SRGAP3: variants seen among roughly 807,000 people sequenced by gnomAD.
SRGAP3 encodes the protein SLIT-ROBO Rho GTPase-activating protein 3.
Under a neutral mutation model 121.1 loss-of-function variants are expected in SRGAP3, and 39 were observed. The ratio of observed to expected loss-of-function variants is 0.32; its 90% confidence interval spans 0.25 to 0.42. The LOEUF is 0.42. SRGAP3 is among the 10% of genes least tolerant of loss of function. SRGAP3 has a pLI of 1.00. For missense variants in SRGAP3, 1,213 were observed against 1,470.6 expected (o/e 0.82, Z 2.86); for synonymous variants, 601 against 570.0 (o/e 1.05, Z -0.77).
At chr3:9,230,078 G>A (rs1452977735) in intron 1 of SRGAP3, among the ~76,000 whole-genome samples, 1 of 152,222 alleles carries the variant, frequency 6.6e-6, no homozygotes, top group East Asian at 1.9e-4. Context: ...TCCAGAGCCT[G>A]CAGCGCGGCT....
intron 2 of SRGAP3, among the ~76,000 whole-genome samples, chr3:9,328,258 C>T (rs920243937): frequency 4.6e-5 from 7 of 152,164 alleles, no homozygotes; most frequent in African/African-American, 1.7e-4. Context: ...TTTATATAAA[C>T]ATTACACACA....
At chr3:9,344,774 T>C (rs540999558) in intron 1 of SRGAP3, among the ~76,000 whole-genome samples, 4 of 152,210 alleles carry the variant, frequency 2.6e-5, no homozygotes, top group East Asian at 3.9e-4. Context: ...TGGTGGCTCA[T>C]GCCTGTAATC....
intron 18 of SRGAP3, 145 bp downstream of exon 18, chr3:9,010,163 G>A (rs765702514): frequency 2.1e-5 from 20 of 963,324 alleles, no homozygotes; most frequent in African/African-American, 1.3e-4. Flanking sequence ...AAGGTTTTTC[G>A]GGGTCTTCGT....
chr3:9,300,991 C>T (rs1955045380), intron 3 of SRGAP3, among the ~76,000 whole-genome samples: 1 of 152,148 alleles, frequency 6.6e-6, no homozygotes, highest in Non-Finnish European at 1.5e-5. Context: ...ACTCCCACCC[C>T]TCCCAGCTCA....
intron 21 of SRGAP3, 27 bp downstream of exon 21, chr3:8,990,485 C>A (rs768931159): frequency 1.3e-6 from 2 of 1,549,788 alleles, no homozygotes; most frequent in East Asian, 4.9e-5. Context: ...TTTTGGCTGC[C>A]CAGCCTGCCT....
chr3:9,028,177 G>A, intron 12 of SRGAP3: 1 of 1,611,446 alleles, frequency 6.2e-7, no homozygotes, highest in Non-Finnish European at 8.5e-7. Flanking sequence ...AAAAAGAAAA[G>A]ATTATGCAGG....
At chr3:9,261,333 C>G (rs748533598) in intron 3 of SRGAP3, among the ~76,000 whole-genome samples, 2 of 152,044 alleles carry the variant, frequency 1.3e-5, no homozygotes, top group Non-Finnish European at 2.9e-5. Context: ...GGGAACAAAG[C>G]TGGATGGGGA....
chr3:9,258,583 A>T (rs1954184204), intron 3 of SRGAP3, among the ~76,000 whole-genome samples: 1 of 152,214 alleles, frequency 6.6e-6, no homozygotes. Flanking sequence ...TGAGAGACAA[A>T]GATGGGTTAG....
intron 3 of SRGAP3, among the ~76,000 whole-genome samples, chr3:9,275,161 G>A (rs1422869701): frequency 1.3e-5 from 2 of 151,910 alleles, no homozygotes; most frequent in Admixed American, 1.3e-4. Context: ...AAGAAAGAAA[G>A]TTTACATTGT....
At chr3:9,020,652 GCT>G (rs1010896491) in intron 14 of SRGAP3, among the ~76,000 whole-genome samples, 1 of 152,128 alleles carries the variant, frequency 6.6e-6, no homozygotes, top group Admixed American at 6.5e-5. Flanking sequence ...CTCCTGCAAG[GCT>G]CTCAGTCCAT....
intron 3 of SRGAP3, among the ~76,000 whole-genome samples, chr3:9,259,078 T>C (rs1362466223): frequency 6.6e-6 from 1 of 152,208 alleles, no homozygotes; most frequent in Non-Finnish European, 1.5e-5. Context: ...CTTGGCCTTC[T>C]TATATTTCTG....
chr3:9,124,475 G>A (rs1232083163), intron 2 of SRGAP3, among the ~76,000 whole-genome samples: 2 of 152,214 alleles, frequency 1.3e-5, no homozygotes. Context: ...TATTGTCTGT[G>A]ACAAACACTC....
exon 2 of SRGAP3, chr3:9,330,571 A>T (rs1316267981): frequency 1.9e-5 from 3 of 154,698 alleles, no homozygotes; most frequent in African/African-American, 7.2e-5. Context: ...CAGAAGCTCC[A>T]CTTCGGATCC....
At chr3:9,099,108 G>C (rs1277689462) in intron 3 of SRGAP3, among the ~76,000 whole-genome samples, 1 of 152,134 alleles carries the variant, frequency 6.6e-6, no homozygotes, top group African/African-American at 2.4e-5. Flanking sequence ...TTTTGATCTC[G>C]GTTACAAAGC....
intron 3 of SRGAP3, among the ~76,000 whole-genome samples, chr3:9,324,875 T>G (rs1338931433): frequency 6.6e-6 from 1 of 151,418 alleles, no homozygotes; most frequent in Non-Finnish European, 1.5e-5. Context: ...GAAAATGGCA[T>G]GAACCCGGGA....
intron 18 of SRGAP3, among the ~76,000 whole-genome samples, chr3:9,002,015 A>G (rs1460177372): frequency 6.6e-6 from 1 of 152,204 alleles, no homozygotes; most frequent in Admixed American, 6.5e-5. Flanking sequence ...ACTAGACAGA[A>G]GATCAAAGAG....
At chr3:9,292,225 G>A (rs1384656759) in intron 3 of SRGAP3, among the ~76,000 whole-genome samples, 1 of 152,196 alleles carries the variant, frequency 6.6e-6, no homozygotes, top group Non-Finnish European at 1.5e-5. Flanking sequence ...TTAGAACACA[G>A]ATGGCTGTGC....
chr3:9,036,247 A>G (rs903398233), intron 11 of SRGAP3: 1 of 152,212 alleles, frequency 6.6e-6, no homozygotes, highest in Non-Finnish European at 1.5e-5. Context: ...CCATCCAGAA[A>G]TGATATCCAC....
chr3:9,073,104 T>G (rs1190292394), intron 4 of SRGAP3, among the ~76,000 whole-genome samples: 1 of 152,244 alleles, frequency 6.6e-6, no homozygotes, highest in Admixed American at 6.5e-5. Context: ...TATCATTTCC[T>G]TCCACAATAA....
Sources: gnomAD v4.1 joint callset for allele counts (sites outside exome capture counted in the v4.1 genomes callset) on GRCh38, gnomAD v4.1.1 for gene constraint, MANE v1.5 for transcripts, NCBI Gene and HGNC (gene_info 2026-07-23, HGNC 2026-07-21) for gene names.